Variants in RHCG observed in about 807,000 individuals in gnomAD.
RHCG encodes ammonium transporter Rh type C.
A neutral mutation model predicts 55.3 loss-of-function variants in RHCG; 39 were observed. The observed-to-expected ratio is 0.70, with a 90% CI of 0.55 to 0.92. The LOEUF is 0.92. Ranked by LOEUF, RHCG falls within the 40% of genes least tolerant of loss-of-function variation. RHCG has a pLI of 0.00. For synonymous variants in RHCG, 250 were observed against 246.8 expected, an observed-to-expected ratio of 1.01 and a Z score of -0.12; for missense variants, 635 against 627.9, an observed-to-expected ratio of 1.01 and a Z score of -0.12.
At chr15:89,476,616 C>G in intron 9 of RHCG, 139 bp downstream of exon 9, 1 of 684,204 alleles carries the variant, frequency 1.5e-6, no homozygotes, top group South Asian at 1.7e-5. Context: ...CAGCCTCCCC[C>G]GATGAAGAAG....
intron 3 of RHCG, among the ~76,000 whole-genome samples, chr15:89,480,862 C>T (rs1961253831): frequency 1.3e-5 from 2 of 152,248 alleles, no homozygotes; most frequent in African/African-American, 4.8e-5. Context: ...GGGCCTGGCA[C>T]TTAACAGGTG....
rs770735762 is a variant in RHCG, at chr15:89,477,943, C to A, written c.869G>T (p.Gly290Val). ...VHIQNATLAG[G>V]VAVGTAAEMM... ...CTCAGCAGCGGTACCCACGGCCACC[C>A]CTCCTGCGAGCGTGGCATTCTGGAT... The change falls in exon 6 of 11, where the codon GGG (glycine) becomes GTG (valine). Residue 290 changes from glycine to valine, a missense_variant. Coordinates refer to ENST00000268122, the MANE Select transcript of RHCG (RefSeq NM_016321.3). This position sits in a 1 kb window ranked among gnomAD's most constrained non-coding sequence, Gnocchi z 4.5. 6.2e-7 allele frequency: 1 copy of A among 1,611,438 alleles called. No homozygotes were observed. The highest frequency in any genetic ancestry group is 8.5e-7 in the Non-Finnish European group (1 of 1,178,152).
In RHCG at chr15:89,477,262, T is replaced by G. The variant is rs1222967138; in HGVS notation, c.1113-56A>C. The stretch of plus-strand genomic sequence containing the variant: ...CCCATGGAGAGGCCAAGTAACAGCT[T>G]GCTGCCACCCCAAAAATGTGACCGG... On this transcript the variant is annotated intron_variant, in intron 7 of 10. Coordinates refer to ENST00000268122, the MANE Select transcript of RHCG (RefSeq NM_016321.3). This position sits in a 1 kb window ranked among gnomAD's most constrained non-coding sequence, Gnocchi z 4.5. 5.0e-6 allele frequency: 8 copies of G among 1,602,812 alleles called. No homozygotes were observed. Among genetic ancestry groups the G allele is most frequent in the African/African-American group, 2.7e-5 (2 of 74,538 alleles).
chr15:89,472,899 C>G (rs1362305170), intron 9 of RHCG, 36 bp from the exon 10 acceptor site: 1 of 1,394,450 alleles, frequency 7.2e-7, no homozygotes. Context: ...GGGCCCTGTC[C>G]CAGTCCAGGC....
At chr15:89,492,346 C>T (rs865948355) in intron 1 of RHCG, among the ~76,000 whole-genome samples, 4 of 152,208 alleles carry the variant, frequency 2.6e-5, no homozygotes, top group Admixed American at 6.5e-5. Context: ...TGGGCCTCTG[C>T]AGCCCTCCCC....
intron 3 of RHCG, 122 bp from the exon 4 acceptor site, chr15:89,480,530 A>G: frequency 6.6e-6 from 8 of 1,208,426 alleles, no homozygotes; most frequent in Non-Finnish European, 9.3e-6. Context: ...TTCAGGGTGC[A>G]GGATGGAGCC....
At chr15:89,474,376 T>G (rs1447173667) in intron 9 of RHCG, among the ~76,000 whole-genome samples, 1 of 152,236 alleles carries the variant, frequency 6.6e-6, no homozygotes, top group Non-Finnish European at 1.5e-5. Flanking sequence ...TTAAAACTTC[T>G]GGTATGGTTT....
chr15:89,481,815 T>A (rs902854905), intron 3 of RHCG, among the ~76,000 whole-genome samples: 1 of 152,206 alleles, frequency 6.6e-6, no homozygotes, highest in African/African-American at 2.4e-5. Context: ...TTGTTTGTTT[T>A]TTTGAGATGG....
rs1567230577 is a variant in RHCG, at chr15:89,496,457, C to CG, written c.87dup (p.Val30ArgfsTer100). 1 of 1,614,024 alleles carries CG rather than the reference C, an allele frequency of 6.2e-7. No individual in the cohort carries two copies. The highest frequency in any genetic ancestry group is 8.5e-7 in the Non-Finnish European group (1 of 1,179,974). On this transcript the variant is annotated frameshift_variant, in exon 1 of 11. Coordinates refer to ENST00000268122, the MANE Select transcript of RHCG (RefSeq NM_016321.3). LOFTEE classifies it high-confidence loss of function. ...GCGTCGGCCTCGAAGTCGTAGCGCA[C>CG]GAACACCCCGAAGAGAATCACCATA...
chr15:89,483,773 C>T (rs1961310851), intron 2 of RHCG, among the ~76,000 whole-genome samples: 1 of 152,058 alleles, frequency 6.6e-6, no homozygotes, highest in African/African-American at 2.4e-5. Context: ...GGGGGCCTTC[C>T]TGCAGGAAGG....
At position 89,476,735 on chromosome 15, in the gene RHCG, G is replaced by A; in HGVS notation, c.1311+20C>T. 1 of 1,610,178 alleles carries A rather than the reference G, an allele frequency of 6.2e-7. No individual in the cohort carries two copies. The highest frequency in any genetic ancestry group is 8.5e-7 in the Non-Finnish European group (1 of 1,176,492). On this transcript the variant is annotated intron_variant, in intron 9 of 10. Coordinates refer to ENST00000268122, the MANE Select transcript of RHCG (RefSeq NM_016321.3). ...GAACGCAGCTGCCCTCCTTCAGGGG[G>A]CCAAGTCCCTGGAACTCACCTCCCA...
Position 89,486,954 on chromosome 15 carries a change from C to T in RHCG, c.216G>A (p.Val72=), listed in dbSNP as rs1961385054. 1.2e-6 allele frequency: 2 copies of T among 1,605,550 alleles called. No individual in the cohort carries two copies. The highest frequency in any genetic ancestry group is 1.7e-4 in the Middle Eastern group (1 of 6,028). ...GGAAAGTCATGAGGAAGCCGAAGCC[C>T]ACGAAGACCATCACGTGCACGTCCT... The part of the protein sequence containing the change: ...SFQDVHVMVF[V]GFGFLMTFLQ... The change falls in exon 2 of 11, where the codon GTG becomes GTA. Residue 72 remains valine (V), a synonymous_variant. Transcript: ENST00000268122.
intron 2 of RHCG, 39 bp from the exon 3 acceptor site, chr15:89,483,256 G>A: frequency 3.4e-6 from 5 of 1,459,274 alleles, no homozygotes; most frequent in Non-Finnish European, 4.6e-6. Flanking sequence ...TGGGGCAATA[G>A]CAAAAAGTGG....
intron 4 of RHCG, chr15:89,479,816 A>C: frequency 2.5e-6 from 1 of 401,950 alleles, no homozygotes; most frequent in East Asian, 5.1e-5. Context: ...TTTCTCTTCC[A>C]CTACGCTGTG....
intron 9 of RHCG, among the ~76,000 whole-genome samples, chr15:89,474,044 T>C (rs1258278802): frequency 6.6e-6 from 1 of 152,222 alleles, no homozygotes; most frequent in Non-Finnish European, 1.5e-5. Context: ...GAAAAGAAAG[T>C]TTATTAGGAA....
At chr15:89,494,407 C>T (rs1213094607) in intron 1 of RHCG, among the ~76,000 whole-genome samples, 1 of 152,124 alleles carries the variant, frequency 6.6e-6, no homozygotes, top group African/African-American at 2.4e-5. Context: ...CAAATTACTA[C>T]CAGCACCACC....
At chr15:89,484,761 T>C (rs1479565121) in intron 2 of RHCG, among the ~76,000 whole-genome samples, 7 of 127,674 alleles carry the variant, frequency 5.5e-5, no homozygotes, top group Admixed American at 3.5e-4. Flanking sequence ...GCCTGGGTGA[T>C]AGAGCAAAAC....
intron 9 of RHCG, among the ~76,000 whole-genome samples, chr15:89,475,361 A>G (rs1393322331): frequency 6.6e-6 from 1 of 151,764 alleles, no homozygotes; most frequent in Non-Finnish European, 1.5e-5. Context: ...TCCTGCCTCA[A>G]CCTCCTGAGT....
At chr15:89,487,242 G>C (rs971434309) in intron 1 of RHCG, among the ~76,000 whole-genome samples, 1 of 152,166 alleles carries the variant, frequency 6.6e-6, no homozygotes, top group South Asian at 2.1e-4. Context: ...GGGGGGACCC[G>C]AGGTGGGCCC....
Sources: gnomAD v4.1 joint callset for allele counts (sites outside exome capture counted in the v4.1 genomes callset) on GRCh38, gnomAD v4.1.1 for gene constraint, Gnocchi (gnomAD v3.1) non-coding constraint, MANE v1.5 for transcripts, NCBI Gene and HGNC (gene_info 2026-07-23, HGNC 2026-07-21) for gene names.